The following KLF13 variants were observed in gnomAD, a reference collection of about 807,000 sequenced individuals.
KLF13 encodes KLF transcription factor 13, also known as Krueppel-like factor 13.
Under a neutral mutation model 16.7 loss-of-function variants are expected in KLF13, and 8 were observed. The observed-to-expected ratio is 0.48, with a 90% CI of 0.28 to 0.87. KLF13 has a LOEUF of 0.87. Among genes scored for constraint, KLF13 ranks in the 40% least tolerant of loss-of-function variants. The pLI is 0.10. For missense variants in KLF13, 447 were observed against 452.2 expected (o/e 0.99, Z 0.10); for synonymous variants, 245 against 208.4 (o/e 1.18, Z -1.51).
At chr15:31,418,130 A>G (rs985990675) in intron 1 of KLF13, among the ~76,000 whole-genome samples, 5 of 151,932 alleles carry the variant, frequency 3.3e-5, no homozygotes, top group African/African-American at 1.2e-4. Flanking sequence ...TTTAAAGAAG[A>G]ACTGTAATTA....
At chr15:31,335,676 G>A (rs1466803336) in intron 1 of KLF13, among the ~76,000 whole-genome samples, 1 of 152,186 alleles carries the variant, frequency 6.6e-6, no homozygotes, top group Admixed American at 6.5e-5. Context: ...AAACTTGGCT[G>A]CACTCCGTGG....
intron 1 of KLF13, among the ~76,000 whole-genome samples, chr15:31,419,210 T>C (rs2040291788): frequency 6.6e-6 from 1 of 151,824 alleles, no homozygotes; most frequent in Non-Finnish European, 1.5e-5. Flanking sequence ...GACTGAAGAG[T>C]TGCCTGTTTT....
chr15:31,334,566 T>C (rs1198718580), intron 1 of KLF13, among the ~76,000 whole-genome samples: 2 of 150,148 alleles, frequency 1.3e-5, no homozygotes, highest in Non-Finnish European at 3.0e-5. Context: ...TAGCTGGGAT[T>C]ACAGGCGCCT....
Position 31,327,644 on chromosome 15 carries a change from G to A in KLF13, c.432G>A (p.Glu144=). 1.4e-6 allele frequency: 2 copies of A among 1,420,856 alleles called. No individual in the cohort carries two copies. Among genetic ancestry groups the A allele is most frequent in the Non-Finnish European group, 1.9e-6 (2 of 1,073,418 alleles). The allele number at this position is 1,420,856 out of a possible 1,614,324, so 88.0% of individuals were successfully genotyped here. The change falls in exon 1 of 2, where the codon GAG becomes GAA. Residue 144 remains glutamate (E), a synonymous_variant. Coordinates refer to ENST00000307145, the MANE Select transcript of KLF13 (RefSeq NM_015995.4). ...EREPGPAGSG[E]PGLRQRVRRG... is the part of the protein sequence containing the mutation. The stretch of plus-strand genomic sequence containing the variant: ...AGCCGGGGCCCGCGGGGAGCGGCGA[G>A]CCCGGCCTCAGACAAAGGGTCCGGC...
intron 1 of KLF13, among the ~76,000 whole-genome samples, chr15:31,341,028 C>T (rs911842704): frequency 6.6e-6 from 1 of 152,120 alleles, no homozygotes; most frequent in African/African-American, 2.4e-5. Context: ...CCTGGAGCCC[C>T]GAGACATTGC....
chr15:31,420,005 CATT>C, intron 1 of KLF13: 1 of 304,396 alleles, frequency 3.3e-6, no homozygotes, highest in Non-Finnish European at 6.4e-6. Context: ...TCAGCAGAAA[CATT>C]ATAGGCTGGA....
chr15:31,410,415 G>T (rs2141000610), intron 1 of KLF13, among the ~76,000 whole-genome samples: 1 of 152,224 alleles, frequency 6.6e-6, no homozygotes, highest in South Asian at 2.1e-4. Context: ...AATTTAAATT[G>T]AGAGGGACTA....
chr15:31,351,125 G>C (rs935538396), intron 1 of KLF13, among the ~76,000 whole-genome samples: 1 of 152,226 alleles, frequency 6.6e-6, no homozygotes, highest in East Asian at 1.9e-4. Context: ...TTCTCAGCCC[G>C]TATCATGGAC....
At position 31,358,676 on chromosome 15, in the gene KLF13, A is replaced by G. The variant is rs367892793; in HGVS notation, c.578-13334A>G. ...TTTTGATCAGCCTCAAATGAAGAGC[A>G]TTTTTATCAGCTAAATAAACCTGGC... On this transcript the variant is annotated intron_variant, in intron 1 of 1. Transcript: ENST00000307145. 1.3e-4 allele frequency among the ~76,000 whole-genome samples: 20 copies of G among 152,214 alleles called. 1 individual carries two copies. The highest frequency in any genetic ancestry group is 9.6e-4 in the East Asian group (5 of 5,200).
chr15:31,329,942 G>A (rs1026142380), intron 1 of KLF13, among the ~76,000 whole-genome samples: 5 of 152,134 alleles, frequency 3.3e-5, no homozygotes, highest in African/African-American at 1.2e-4. Context: ...CGTGCAGTTG[G>A]GAGTGCATGT....
At chr15:31,393,968 G>T (rs1263279216) in intron 2 of KLF13, among the ~76,000 whole-genome samples, 1 of 152,162 alleles carries the variant, frequency 6.6e-6, no homozygotes, top group East Asian at 1.9e-4. Flanking sequence ...CATCTCAGGG[G>T]GCTCCCACAG....
At chr15:31,429,955 C>T (rs751848167) in intron 1 of KLF13, among the ~76,000 whole-genome samples, 5 of 152,110 alleles carry the variant, frequency 3.3e-5, no homozygotes, top group South Asian at 4.2e-4. Flanking sequence ...AGGATGGTCT[C>T]GATCTCCTGA....
At chr15:31,341,537 C>CTTTT (rs34870652) in intron 1 of KLF13, among the ~76,000 whole-genome samples, 2 of 121,482 alleles carry the variant, frequency 1.6e-5, no homozygotes, top group Non-Finnish European at 3.4e-5. Flanking sequence ...CAATTCAGAA[C>CTTTT]TTTTTTTTTT....
chr15:31,374,460 A>G lies in KLF13; in HGVS notation c.*2161A>G, dbSNP rs1299364235. On this transcript the variant is annotated 3_prime_UTR_variant, in exon 2 of 2. Transcript: ENST00000307145. ...TATTTGGTAGGGACCTTGACAGAAG[A>G]GAGCCCTGGGTGCTTGTGGTGCAAA... 6.6e-6 allele frequency: 1 copy of G among 152,570 alleles called. No homozygotes were observed. The highest frequency in any genetic ancestry group is 1.5e-5 in the Non-Finnish European group (1 of 68,032). The allele number at this position is 152,570 out of a possible 1,614,324, so 9.5% of individuals were successfully genotyped here.
chr15:31,334,951 C>T (rs1173775503), intron 1 of KLF13, among the ~76,000 whole-genome samples: 4 of 152,124 alleles, frequency 2.6e-5, no homozygotes, highest in Admixed American at 6.5e-5. Context: ...AACAGAAACT[C>T]GAACTTGTTT....
intron 1 of KLF13, among the ~76,000 whole-genome samples, chr15:31,417,565 G>T (rs2040269778): frequency 6.6e-6 from 1 of 151,446 alleles, no homozygotes; most frequent in African/African-American, 2.4e-5. Flanking sequence ...TTTTAAAACA[G>T]AGTTTTGGTT....
At chr15:31,362,052 G>A (rs1467641840) in intron 1 of KLF13, among the ~76,000 whole-genome samples, 1 of 152,156 alleles carries the variant, frequency 6.6e-6, no homozygotes, top group East Asian at 1.9e-4. Flanking sequence ...GATGGACTTG[G>A]CTCTCCTAGC....
At chr15:31,434,673 G>A (rs572938288) in intron 1 of KLF13, among the ~76,000 whole-genome samples, 1 of 152,240 alleles carries the variant, frequency 6.6e-6, no homozygotes, top group African/African-American at 2.4e-5. Context: ...ATCAAAAACA[G>A]GTTTGTTTGT....
chr15:31,345,572 G>A (rs1369276030), intron 1 of KLF13, among the ~76,000 whole-genome samples: 1 of 152,226 alleles, frequency 6.6e-6, no homozygotes, highest in Non-Finnish European at 1.5e-5. Context: ...CAGGAAATCT[G>A]TGAGTATGAG....
Sources: allele counts gnomAD v4.1 joint callset (sites outside exome capture counted in the v4.1 genomes callset), GRCh38; gene constraint gnomAD v4.1.1; transcripts MANE v1.5; gene names NCBI Gene and HGNC (gene_info 2026-07-23, HGNC 2026-07-21).